Variants in KCNIP1 observed in about 807,000 individuals in gnomAD.
KCNIP1 encodes the protein A-type potassium channel modulatory protein KCNIP1.
KCNIP1 carries 18 observed loss-of-function variants against 33.0 expected under a neutral mutation model. The observed-to-expected ratio is 0.55, with a 90% CI of 0.38 to 0.81. The LOEUF (loss-of-function observed/expected upper bound fraction) is 0.81. Among genes scored for constraint, KCNIP1 ranks in the 30% least tolerant of loss-of-function variants. The pLI is 0.00. For synonymous variants in KCNIP1, 93 were observed against 98.3 expected (o/e 0.95, Z 0.32); for missense variants, 238 against 271.6 (o/e 0.88, Z 0.87).
chr5:170,653,242 GT>G (rs1581450953), intron 1 of KCNIP1, among the ~76,000 whole-genome samples: 2 of 152,220 alleles, frequency 1.3e-5, no homozygotes, highest in Admixed American at 1.3e-4. Flanking sequence ...CTTGCCAAGT[GT>G]CCATGAGGAA....
intron 1 of KCNIP1, among the ~76,000 whole-genome samples, chr5:170,636,312 G>A (rs1393791070): frequency 6.6e-6 from 1 of 152,156 alleles, no homozygotes; most frequent in Non-Finnish European, 1.5e-5. Context: ...GAGCAGAGCT[G>A]AGCCCTGAGG....
chr5:170,355,323 G>A (rs148375406), intron 1 of KCNIP1, among the ~76,000 whole-genome samples: 30 of 152,312 alleles, frequency 2.0e-4, no homozygotes, highest in African/African-American at 7.2e-4. Flanking sequence ...TTTACCTCCT[G>A]GAGAAGGAGA....
At chr5:170,735,643 C>A in intron 7 of KCNIP1, 116 bp from the exon 8 acceptor site, 1 of 855,028 alleles carries the variant, frequency 1.2e-6, no homozygotes, top group Non-Finnish European at 1.9e-6. Context: ...TTTTTCATAC[C>A]CTTGTAGAGT....
chr5:170,414,452 G>T (rs1755275244), intron 1 of KCNIP1, among the ~76,000 whole-genome samples: 1 of 152,230 alleles, frequency 6.6e-6, no homozygotes, highest in Admixed American at 6.5e-5. Flanking sequence ...TGTTCAAACA[G>T]GGCAAATGCT....
chr5:170,555,853 G>A (rs550558586), intron 1 of KCNIP1, among the ~76,000 whole-genome samples: 1 of 152,170 alleles, frequency 6.6e-6, no homozygotes, highest in Non-Finnish European at 1.5e-5. Context: ...TTATAATTTG[G>A]GGCGTGAAAA....
intron 1 of KCNIP1, among the ~76,000 whole-genome samples, chr5:170,359,241 G>T (rs577178692): frequency 6.6e-6 from 1 of 152,262 alleles, no homozygotes; most frequent in South Asian, 2.1e-4. Context: ...CTTCTTACAG[G>T]CCAAGTGTGA....
At chr5:170,462,097 A>G (rs1756514630) in intron 1 of KCNIP1, among the ~76,000 whole-genome samples, 1 of 152,158 alleles carries the variant, frequency 6.6e-6, no homozygotes, top group Non-Finnish European at 1.5e-5. Flanking sequence ...TGCAATAAAA[A>G]CAAAGATAAA....
At chr5:170,567,793 A>T (rs922853928) in intron 1 of KCNIP1, among the ~76,000 whole-genome samples, 1 of 152,218 alleles carries the variant, frequency 6.6e-6, no homozygotes, top group African/African-American at 2.4e-5. Flanking sequence ...GATGATGGGA[A>T]ATGCCACTCT....
intron 1 of KCNIP1, among the ~76,000 whole-genome samples, chr5:170,667,600 G>A (rs1761755866): frequency 6.6e-6 from 1 of 152,208 alleles, no homozygotes. Context: ...GGGCAGTATT[G>A]CATTGTGGTT....
intron 1 of KCNIP1, among the ~76,000 whole-genome samples, chr5:170,525,984 C>T (rs879453410): frequency 9.2e-5 from 14 of 152,194 alleles, no homozygotes; most frequent in African/African-American, 3.1e-4. Context: ...TGTCCTGGGG[C>T]GACATGTCTG....
intron 1 of KCNIP1, among the ~76,000 whole-genome samples, chr5:170,552,023 ATG>A (rs35576706): frequency 2.0e-4 from 29 of 148,386 alleles, no homozygotes; most frequent in East Asian, 8.1e-4. Context: ...GTGAGAGAGA[ATG>A]TGTGTGTGTG....
chr5:170,437,188 A>T (rs1018114596), intron 1 of KCNIP1, among the ~76,000 whole-genome samples: 4 of 152,174 alleles, frequency 2.6e-5, no homozygotes, highest in Non-Finnish European at 4.4e-5. Flanking sequence ...ATAGAGAAGG[A>T]CTTTCCTTCC....
intron 1 of KCNIP1, among the ~76,000 whole-genome samples, chr5:170,397,813 C>T (rs1754800244): frequency 6.6e-6 from 1 of 152,150 alleles, no homozygotes; most frequent in African/African-American, 2.4e-5. Context: ...TGGTTTTATA[C>T]ATTTTTGGGA....
chr5:170,568,667 A>AAAAAAAT (rs1757289263), intron 1 of KCNIP1, among the ~76,000 whole-genome samples: 1 of 145,042 alleles, frequency 6.9e-6, no homozygotes, highest in African/African-American at 2.7e-5. Flanking sequence ...AAAAAAAAAA[A>AAAAAAAT]AAAAAATTAG....
rs114009736 is a variant in KCNIP1 at position 170,621,896 on chromosome 5, G to A, written c.62-96862G>A. ...GAGAGGAGAAGAGAGATGGAACGAC[G>A]AAGACCAAAACCTCTGTCCTCAAGC... is the stretch of plus-strand genomic sequence containing the variant. On this transcript the variant is annotated intron_variant, in intron 1 of 7. Transcript: ENST00000328939. Among the ~76,000 whole-genome samples the A allele has an allele frequency of 1.5e-3, 233 of 152,234 alleles. 1 individual carries two copies. The highest frequency in any genetic ancestry group is 2.4e-3 in the Non-Finnish European group (163 of 68,002).
At chr5:170,604,602 C>G (rs1054613366) in intron 1 of KCNIP1, among the ~76,000 whole-genome samples, 2 of 152,170 alleles carry the variant, frequency 1.3e-5, no homozygotes, top group African/African-American at 4.8e-5. Context: ...CCAAGAATCC[C>G]TGGGGGTGAG....
rs777742804 is a variant in KCNIP1, at chr5:170,517,486, AATG to A, written c.61+12866_61+12868del. ...ATGACAGTAGGGGCTTCATGGCAAT[AATG>A]ATGATGATGATGGAGGATTACAATA... On this transcript the variant is annotated intron_variant, in intron 1 of 7. Coordinates refer to ENST00000328939, the MANE Select transcript of KCNIP1 (RefSeq NM_014592.4). 2.6e-3 allele frequency among the ~76,000 whole-genome samples: 400 copies of A among 151,702 alleles called. 1 individual carries two copies. The highest frequency in any genetic ancestry group is 8.2e-3 in the African/African-American group (338 of 41,068).
intron 1 of KCNIP1, among the ~76,000 whole-genome samples, chr5:170,540,730 G>T (rs2113378404): frequency 6.6e-6 from 1 of 152,272 alleles, no homozygotes; most frequent in South Asian, 2.1e-4. Context: ...CCTTACAGTG[G>T]CTTTTTCTTC....
Position 170,596,943 on chromosome 5 carries a change from A to G in KCNIP1, c.61+92310A>G, listed in dbSNP as rs757316200. On this transcript the variant is annotated intron_variant, in intron 1 of 7. Coordinates refer to ENST00000328939, the MANE Select transcript of KCNIP1 (RefSeq NM_014592.4). ...CACGCTGAGTGAGCACTGGCTGTGC[A>G]CCAGTATTGAATAGGTATTAACTCC... 1.1e-3 allele frequency among the ~76,000 whole-genome samples: 167 copies of G among 152,244 alleles called. 1 individual carries two copies. Among genetic ancestry groups the G allele is most frequent in the Non-Finnish European group, 1.5e-3 (102 of 68,044 alleles).
Sources: gnomAD v4.1 joint callset for allele counts (sites outside exome capture counted in the v4.1 genomes callset) on GRCh38, gnomAD v4.1.1 for gene constraint, MANE v1.5 for transcripts, NCBI Gene and HGNC (gene_info 2026-07-23, HGNC 2026-07-21) for gene names.